RCOR1: variants seen among roughly 807,000 people sequenced by gnomAD.
RCOR1 encodes the protein REST corepressor.
In RCOR1, 12 loss-of-function variants were observed where a neutral mutation model predicts 64.0. The ratio of observed to expected loss-of-function variants is 0.19; its 90% CI spans 0.12 to 0.30. RCOR1 has a LOEUF of 0.30. Among genes scored for constraint, RCOR1 ranks in the 10% least tolerant of loss-of-function variants. The pLI, the probability that RCOR1 is intolerant of heterozygous loss-of-function variation, is 1.00. For missense variants in RCOR1, 502 were observed against 621.2 expected, an observed-to-expected ratio of 0.81 and a Z score of 2.04; for synonymous variants, 279 against 227.2, an observed-to-expected ratio of 1.23 and a Z score of -2.05.
At chr14:102,658,719 C>T in intron 2 of RCOR1, 1 of 781,388 alleles carries the variant, frequency 1.3e-6, no homozygotes, top group Non-Finnish European at 1.6e-6. Flanking sequence ...TATTTAGATT[C>T]CAATAGTTTT....
intron 2 of RCOR1, among the ~76,000 whole-genome samples, chr14:102,627,392 C>T (rs1595200903): frequency 6.6e-6 from 1 of 152,278 alleles, no homozygotes; most frequent in Admixed American, 6.5e-5. Context: ...TGTGGTGGCT[C>T]ACGCCCGTAA....
chr14:102,708,154 A>G (rs1003049306), intron 5 of RCOR1, among the ~76,000 whole-genome samples: 4 of 152,088 alleles, frequency 2.6e-5, no homozygotes, highest in Non-Finnish European at 4.4e-5. Context: ...TTTAGTAAAG[A>G]CAGGATTTCA....
chr14:102,723,418 A>G lies in RCOR1; in HGVS notation c.1419+1002A>G, dbSNP rs545710345. 3.9e-5 allele frequency among the ~76,000 whole-genome samples: 6 copies of G among 152,278 alleles called. No individual in the cohort carries two copies. The East Asian group carries it at 9.7e-4, about 25-fold the overall frequency. On this transcript the variant is annotated intron_variant, in intron 11 of 11. Coordinates refer to ENST00000262241, the MANE Select transcript of RCOR1 (RefSeq NM_015156.4). ...TGCAGGGCCTCTTTGCTGACTGGAG[A>G]AAGGACCTCAAGGCACAGCCATCTG...
chr14:102,594,290 A>G (rs71417808), intron 2 of RCOR1, among the ~76,000 whole-genome samples: 1,790 of 152,324 alleles, frequency 0.012, 15 homozygotes, highest in Non-Finnish European at 0.017. Flanking sequence ...GGAGTTAACA[A>G]TCCTCCATGG....
At position 102,690,589 on chromosome 14, in the gene RCOR1, A is replaced by T. The variant is rs540442976; in HGVS notation, c.445+8611A>T. Among the ~76,000 whole-genome samples the T allele has an allele frequency of 2.6e-5, 4 of 152,198 alleles. No individual in the cohort carries two copies. In the East Asian group the frequency reaches 7.7e-4, roughly 29 times the overall value. On this transcript the variant is annotated intron_variant, in intron 3 of 11. Coordinates refer to ENST00000262241, the MANE Select transcript of RCOR1 (RefSeq NM_015156.4). Reference sequence around the variant, plus strand: ...CTGGGCAACAGCAGGACCCTGTCTTAAAAAAAGGAAAAAAGAAAATAATAA... The same window carrying T: ...CTGGGCAACAGCAGGACCCTGTCTTTAAAAAAGGAAAAAAGAAAATAATAA...
At chr14:102,693,075 T>C (rs1302103819) in intron 3 of RCOR1, among the ~76,000 whole-genome samples, 1 of 152,166 alleles carries the variant, frequency 6.6e-6, no homozygotes, top group East Asian at 1.9e-4. Flanking sequence ...CCACATCCCA[T>C]TCTTGAACAT....
At position 102,728,879 on chromosome 14, in the gene RCOR1, CTG is replaced by C. The variant is rs1383068908; in HGVS notation, c.*2377_*2378del. On this transcript the variant is annotated 3_prime_UTR_variant, in exon 12 of 12. Transcript: ENST00000262241. ...TTGTGCTTTCCCGCGTAAGATAGCA[CTG>C]TGTTTTAAACTGTTGCATTACACTG... 3 of 152,388 alleles carry C rather than the reference CTG, an allele frequency of 2.0e-5. No individual in the cohort carries two copies. Among genetic ancestry groups the C allele is most frequent in the South Asian group, 4.1e-4 (2 of 4,830 alleles). The allele number at this position is 152,388 out of a possible 1,614,324, so 9.4% of individuals were successfully genotyped here.
At chr14:102,662,433 T>G (rs1359908520) in intron 2 of RCOR1, 5 of 556,104 alleles carry the variant, frequency 9.0e-6, no homozygotes, top group Non-Finnish European at 1.8e-5. Context: ...AGTGTCTTGT[T>G]GTCCTCGCTC....
At chr14:102,617,587 CTTTTTTT>C (rs71119722) in intron 2 of RCOR1, among the ~76,000 whole-genome samples, 5 of 118,260 alleles carry the variant, frequency 4.2e-5, no homozygotes, top group African/African-American at 1.2e-4. Context: ...CTGTCTCTTT[CTTTTTTT>C]TTTTTTTTTT....
intron 2 of RCOR1, among the ~76,000 whole-genome samples, chr14:102,661,548 C>G (rs1879278706): frequency 6.6e-6 from 1 of 151,984 alleles, no homozygotes; most frequent in Non-Finnish European, 1.5e-5. Flanking sequence ...AAAATTTAGT[C>G]AACAGTATAA....
chr14:102,629,079 G>A (rs887757639), intron 2 of RCOR1, among the ~76,000 whole-genome samples: 1 of 151,982 alleles, frequency 6.6e-6, no homozygotes, highest in African/African-American at 2.4e-5. Context: ...TATTCAACAC[G>A]CTGTTTCCTG....
At chr14:102,664,157 G>A (rs1388423803) in intron 2 of RCOR1, among the ~76,000 whole-genome samples, 2 of 152,164 alleles carry the variant, frequency 1.3e-5, no homozygotes, top group Non-Finnish European at 1.5e-5. Context: ...ACCCGCTGGA[G>A]TGCAGTGGTG....
Position 102,593,261 on chromosome 14 carries a change from C to A in RCOR1, c.302-5C>A. 1 of 1,525,608 alleles carries A rather than the reference C, an allele frequency of 6.6e-7. No individual in the cohort carries two copies. Among genetic ancestry groups the A allele is most frequent in the South Asian group, 1.2e-5 (1 of 81,280 alleles). 94.5% of individuals were successfully genotyped at this position (1,525,608 alleles called of 1,614,324 possible). A position where few individuals can be genotyped will look rare whatever the true frequency, so the allele number is the denominator to read the frequency against. ...GCTGACCGCCGTATTCTGCTTCCCC[C>A]GCAGGTGGCGGTGGCATGAGGGTCG... On this transcript the variant is annotated splice_region_variant and splice_polypyrimidine_tract_variant and intron_variant, in intron 1 of 11. Coordinates refer to ENST00000262241, the MANE Select transcript of RCOR1 (RefSeq NM_015156.4).
At chr14:102,674,885 C>G (rs943047306) in intron 2 of RCOR1, among the ~76,000 whole-genome samples, 1 of 151,700 alleles carries the variant, frequency 6.6e-6, no homozygotes, top group African/African-American at 2.4e-5. Context: ...ACGGTGAAAC[C>G]CTGTCTCTAC....
chr14:102,682,389 C>A (rs923119885), intron 3 of RCOR1, among the ~76,000 whole-genome samples: 1 of 152,198 alleles, frequency 6.6e-6, no homozygotes, highest in African/African-American at 2.4e-5. Context: ...CATGGCCTCC[C>A]AAAATGTTGG....
chr14:102,619,576 G>T (rs969638063), intron 2 of RCOR1, among the ~76,000 whole-genome samples: 2 of 151,232 alleles, frequency 1.3e-5, no homozygotes, highest in African/African-American at 4.9e-5. Flanking sequence ...TGCCTCCCGG[G>T]TTCAAGCGAT....
chr14:102,685,698 AC>A (rs1895404070), intron 3 of RCOR1, among the ~76,000 whole-genome samples: 1 of 152,088 alleles, frequency 6.6e-6, no homozygotes, highest in Non-Finnish European at 1.5e-5. Context: ...GCGGTGTCTC[AC>A]CCCTGTAATC....
chr14:102,655,207 T>C, intron 2 of RCOR1: 1 of 976,344 alleles, frequency 1.0e-6, no homozygotes, highest in Non-Finnish European at 1.2e-6. Flanking sequence ...TGCAAAAGGG[T>C]TATGCACAAG....
At chr14:102,622,742 T>G (rs1475912956) in intron 2 of RCOR1, among the ~76,000 whole-genome samples, 1 of 152,146 alleles carries the variant, frequency 6.6e-6, no homozygotes, top group Non-Finnish European at 1.5e-5. Context: ...CTCCATCCCT[T>G]TTGTGTTACT....
Sources: allele counts gnomAD v4.1 joint callset (sites outside exome capture counted in the v4.1 genomes callset), GRCh38; gene constraint gnomAD v4.1.1; transcripts MANE v1.5; gene names NCBI Gene and HGNC (gene_info 2026-07-23, HGNC 2026-07-21).